Variants in TMTC1 observed in about 807,000 individuals in gnomAD.
TMTC1 encodes the protein protein O-mannosyl-transferase TMTC1.
TMTC1 carries 73 observed loss-of-function variants against 104.8 expected under a neutral mutation model. The ratio of observed to expected loss-of-function variants is 0.70; its 90% CI spans 0.58 to 0.85. The LOEUF (loss-of-function observed/expected upper bound fraction) is 0.85, where lower values mean the gene tolerates loss of function less well. Among genes scored for constraint, TMTC1 ranks in the 40% least tolerant of loss-of-function variants. TMTC1 has a pLI of 0.00. For missense variants in TMTC1, 1,035 were observed against 1,096.1 expected (o/e 0.94, Z 0.79); for synonymous variants, 434 against 428.7 (o/e 1.01, Z -0.15).
intron 6 of TMTC1, among the ~76,000 whole-genome samples, chr12:29,610,379 A>T (rs1946814313): frequency 6.6e-6 from 1 of 152,222 alleles, no homozygotes; most frequent in East Asian, 1.9e-4. Flanking sequence ...AAAGACCAAC[A>T]TCAATCTGAG....
chr12:29,594,160 A>G (rs1291317542), intron 7 of TMTC1, among the ~76,000 whole-genome samples: 1 of 152,178 alleles, frequency 6.6e-6, no homozygotes, highest in Non-Finnish European at 1.5e-5. Flanking sequence ...AAGACCTTTG[A>G]TCAAAGCTGA....
chr12:29,604,154 G>A (rs771449115), intron 7 of TMTC1, 24 bp downstream of exon 7: 9 of 1,612,208 alleles, frequency 5.6e-6, no homozygotes, highest in Non-Finnish European at 5.1e-6. Context: ...GGTCTTGTAG[G>A]AGGAAGTCAC....
intron 5 of TMTC1, among the ~76,000 whole-genome samples, chr12:29,714,769 G>A (rs542289159): frequency 5.3e-5 from 8 of 152,276 alleles, no homozygotes; most frequent in Admixed American, 2.6e-4. Flanking sequence ...CAAATGCTGG[G>A]CATGATATGT....
At chr12:29,756,698 G>C (rs896321948) in intron 3 of TMTC1, among the ~76,000 whole-genome samples, 8 of 152,226 alleles carry the variant, frequency 5.3e-5, no homozygotes, top group African/African-American at 1.9e-4. Context: ...AGACATCACT[G>C]TTCCCTTCAA....
At chr12:29,567,272 A>G (rs2136287641) in intron 9 of TMTC1, among the ~76,000 whole-genome samples, 1 of 152,296 alleles carries the variant, frequency 6.6e-6, no homozygotes, top group Non-Finnish European at 1.5e-5. Context: ...TGCATAAGAG[A>G]GTTTTTAAAA....
rs570629172 is a variant in TMTC1, at chr12:29,628,359, A to G, written c.1128+4788T>C. Among the ~76,000 whole-genome samples the G allele has an allele frequency of 1.3e-5, 2 of 152,326 alleles. 1 individual carries two copies. On this transcript the variant is annotated intron_variant, in intron 6 of 17. Transcript: ENST00000539277. ...TGGTGTTAAGTGAAAGAAGCCAGAC[A>G]TACAAGATTACATGTTTTATTACTC...
At chr12:29,627,907 A>G (rs1299903885) in intron 6 of TMTC1, among the ~76,000 whole-genome samples, 1 of 152,230 alleles carries the variant, frequency 6.6e-6, no homozygotes, top group Admixed American at 6.5e-5. Context: ...TGCAATTCCC[A>G]TGTGAAAGAT....
chr12:29,519,068 A>G (rs1439431171), intron 12 of TMTC1: 2 of 152,724 alleles, frequency 1.3e-5, no homozygotes, highest in East Asian at 3.8e-4. Context: ...CAATTGAAGC[A>G]TTACTTTAAA....
At chr12:29,651,500 T>C (rs1371608887) in intron 5 of TMTC1, among the ~76,000 whole-genome samples, 29 of 152,128 alleles carry the variant, frequency 1.9e-4, no homozygotes, top group Non-Finnish European at 8.8e-5. Context: ...TATAAGAAGT[T>C]AGGGCCCCAC....
chr12:29,557,097 T>G, intron 9 of TMTC1, 97 bp from the exon 10 acceptor site: 1 of 1,313,870 alleles, frequency 7.6e-7, no homozygotes, highest in Non-Finnish European at 1.0e-6. Context: ...ACAGCCAAAA[T>G]GAAACACTGA....
chr12:29,555,374 T>C (rs1282441628), intron 10 of TMTC1, among the ~76,000 whole-genome samples: 1 of 151,712 alleles, frequency 6.6e-6, no homozygotes, highest in Non-Finnish European at 1.5e-5. Flanking sequence ...GTGCAGAACA[T>C]GCAGGTTTGT....
chr12:29,644,248 G>A (rs941690277), intron 5 of TMTC1, among the ~76,000 whole-genome samples: 28 of 149,886 alleles, frequency 1.9e-4, no homozygotes, highest in African/African-American at 6.4e-4. Flanking sequence ...TATTCTAAGT[G>A]AAGTAACTCG....
chr12:29,645,616 G>A (rs948326376), intron 5 of TMTC1, among the ~76,000 whole-genome samples: 4 of 152,120 alleles, frequency 2.6e-5, no homozygotes, highest in African/African-American at 9.7e-5. Flanking sequence ...TACAGTTTCT[G>A]CAAAATAAAT....
At chr12:29,782,330 T>C (rs1326598974) in intron 1 of TMTC1, among the ~76,000 whole-genome samples, 1 of 152,260 alleles carries the variant, frequency 6.6e-6, no homozygotes, top group East Asian at 1.9e-4. Flanking sequence ...CCGATTGCTA[T>C]GGTTTCCTTT....
At chr12:29,559,882 T>C (rs1312818507) in intron 9 of TMTC1, among the ~76,000 whole-genome samples, 1 of 152,116 alleles carries the variant, frequency 6.6e-6, no homozygotes, top group Non-Finnish European at 1.5e-5. Flanking sequence ...CTGAATTTCA[T>C]GAAAAGGATT....
chr12:29,627,317 A>G lies in TMTC1; in HGVS notation c.1128+5830T>C, dbSNP rs563066947. On this transcript the variant is annotated intron_variant, in intron 6 of 17. Coordinates refer to ENST00000539277, the MANE Select transcript of TMTC1 (RefSeq NM_001193451.2). ...CAAAGACCTAAATAGACATTTCTCC[A>G]GAGAAGATATAAGGATGGCCAATAA... Among the ~76,000 whole-genome samples, 9 of 152,332 alleles carry G rather than the reference A, an allele frequency of 5.9e-5. No homozygotes were observed. In the South Asian group the frequency reaches 1.7e-3, roughly 28 times the overall value.
chr12:29,744,703 T>C (rs977014893), intron 5 of TMTC1, among the ~76,000 whole-genome samples: 17 of 152,280 alleles, frequency 1.1e-4, no homozygotes, highest in African/African-American at 4.1e-4. Context: ...CAAAAATCTT[T>C]CTTCAAATTC....
chr12:29,693,514 A>G (rs1416114348), intron 5 of TMTC1, among the ~76,000 whole-genome samples: 1 of 152,026 alleles, frequency 6.6e-6, no homozygotes, highest in Admixed American at 6.6e-5. Flanking sequence ...ACCTTTCTCT[A>G]TCCCCTTCGT....
intron 11 of TMTC1, chr12:29,533,829 C>T (rs907638954): frequency 6.6e-6 from 1 of 152,132 alleles, no homozygotes; most frequent in Non-Finnish European, 1.5e-5. Context: ...GATATAAATA[C>T]AGAATATGTC....
Sources: gnomAD v4.1 joint callset for allele counts (sites outside exome capture counted in the v4.1 genomes callset) on GRCh38, gnomAD v4.1.1 for gene constraint, MANE v1.5 for transcripts, NCBI Gene and HGNC (gene_info 2026-07-23, HGNC 2026-07-21) for gene names.